Variants in INPP4A observed in about 807,000 individuals in gnomAD.
INPP4A encodes inositol polyphosphate-4-phosphatase type I A.
A neutral mutation model predicts 119.8 loss-of-function variants in INPP4A; 33 were observed. That is an observed-to-expected ratio of 0.28 (90% CI 0.21 to 0.37). INPP4A has a LOEUF of 0.37. Among genes scored for constraint, INPP4A ranks in the 10% least tolerant of loss-of-function variants. INPP4A has a pLI of 1.00. For missense variants in INPP4A, 956 were observed against 1,289.9 expected (o/e 0.74, Z 3.97); for synonymous variants, 496 against 500.7 (o/e 0.99, Z 0.12).
At chr2:98,470,458 G>A (rs919955646) in intron 1 of INPP4A, among the ~76,000 whole-genome samples, 1 of 152,222 alleles carries the variant, frequency 6.6e-6, no homozygotes, top group African/African-American at 2.4e-5. Flanking sequence ...AGGGAGGCAT[G>A]GCCCGCTGGG....
intron 17 of INPP4A, among the ~76,000 whole-genome samples, 174 bp downstream of exon 17, chr2:98,559,669 T>C (rs188983151): frequency 1.1e-4 from 16 of 152,320 alleles, no homozygotes; most frequent in Non-Finnish European, 4.4e-5. Context: ...GAGGGACCAG[T>C]TGGGCTGAGG....
chr2:98,475,577 A>C (rs148605998), intron 1 of INPP4A, among the ~76,000 whole-genome samples: 1 of 152,350 alleles, frequency 6.6e-6, no homozygotes, highest in Non-Finnish European at 1.5e-5. Flanking sequence ...ATTACTTGTA[A>C]AATTTAGCAG....
rs1447373953 is a variant in INPP4A at position 98,572,844 on chromosome 2, C to T, written c.2548C>T (p.Leu850=). The T allele has an allele frequency of 1.3e-6, 2 of 1,570,564 alleles. No homozygotes were observed. The highest frequency in any genetic ancestry group is 1.7e-6 in the Non-Finnish European group (2 of 1,158,108). ...CLPRSRSQTC[L]PELLRFLGQN... ...GCCTCGGTCTCGCAGTCAGACGTGC[C>T]TGCCAGAGCTGCTGCGGTTTCTGGG... The change falls in exon 23 of 25, where the codon CTG becomes TTG. Residue 850 remains leucine, a synonymous_variant. Transcript: ENST00000409851.
In INPP4A at chr2:98,591,626, G is replaced by T. The variant is rs1700409196; in HGVS notation, c.*4018G>T. 1 of 152,180 alleles carries T rather than the reference G, an allele frequency of 6.6e-6. No individual in the cohort carries two copies. The highest frequency in any genetic ancestry group is 2.4e-5 in the African/African-American group (1 of 41,420). The allele number at this position is 152,180 out of a possible 1,614,324, so 9.4% of individuals were successfully genotyped here. A position where few individuals can be genotyped will look rare whatever the true frequency, so the allele number is the denominator to read the frequency against. ...GTGCTGCGCTTCAGTTTCCTGTTGA[G>T]TCTCTGCTTAGTAGATGACTTGGCA... On this transcript the variant is annotated 3_prime_UTR_variant, in exon 25 of 25. Transcript: ENST00000409851.
chr2:98,563,635 A>G lies in INPP4A; in HGVS notation c.2026A>G (p.Thr676Ala). Residue 676 changes from threonine (T) to alanine (A), a missense_variant and splice_region_variant, in exon 18 of 25, where the codon ACG becomes GCG. Physicochemically the swap from Thr to Ala is moderately conservative, Grantham distance 58 (BLOSUM62 0). Coordinates refer to ENST00000409851, the MANE Select transcript of INPP4A (RefSeq NM_001134225.2). ...CCGCCGTGACGTGGTCTTCTGCCAG[A>G]CGGTAGGCCCCGGGAGCACCCCGAG... ...QYRRDVVFCQ[T>A]LTALICGFII... 6.2e-7 allele frequency: 1 copy of G among 1,612,208 alleles called. No homozygotes were observed. Among genetic ancestry groups the G allele is most frequent in the Non-Finnish European group, 8.5e-7 (1 of 1,179,778 alleles).
chr2:98,511,371 T>G (rs182876941), intron 1 of INPP4A, among the ~76,000 whole-genome samples: 21 of 152,294 alleles, frequency 1.4e-4, no homozygotes, highest in Admixed American at 1.4e-3. Context: ...GCACATTACT[T>G]TCCTGTATTT....
chr2:98,537,908 G>C lies in INPP4A; in HGVS notation c.513G>C (p.Trp171Cys). Residue 171 changes from tryptophan to cysteine, a missense_variant, in exon 8 of 25, where the codon TGG (tryptophan) becomes TGC (cysteine). By Grantham distance (215) the Trp-to-Cys change is radical (BLOSUM62 -2). Transcript: ENST00000409851. ...DRVGNITVIG[W>C]QMEEKSDQRP... is the part of the protein sequence containing the mutation. ...TAGGTAACATCACCGTGATTGGCTGGCAGATGGAGGAGAAGTCAGACCAAC... is the reference window on the plus strand; with the variant it reads ...TAGGTAACATCACCGTGATTGGCTGCCAGATGGAGGAGAAGTCAGACCAAC... 1 of 1,613,270 alleles carries C rather than the reference G, an allele frequency of 6.2e-7. No homozygotes were observed. The highest frequency in any genetic ancestry group is 8.5e-7 in the Non-Finnish European group (1 of 1,179,614).
At chr2:98,452,497 C>T (rs1695401630) in intron 1 of INPP4A, among the ~76,000 whole-genome samples, 1 of 152,174 alleles carries the variant, frequency 6.6e-6, no homozygotes, top group African/African-American at 2.4e-5. Flanking sequence ...CAGCTGGAGA[C>T]AGGGCTGACT....
chr2:98,554,940 A>G lies in INPP4A; in HGVS notation c.1566+451A>G, dbSNP rs1694181187. On this transcript the variant is annotated intron_variant, in intron 15 of 24. Coordinates refer to ENST00000409851, the MANE Select transcript of INPP4A (RefSeq NM_001134225.2). The surrounding 1 kb of genome is among the most constrained non-coding windows in gnomAD (Gnocchi z 4.7). The stretch of plus-strand genomic sequence containing the variant: ...GGAGCTGCCGCCCTGACATTACATC[A>G]CATTATTGTTCCTCAGAGAATTGGC... Among the ~76,000 whole-genome samples the G allele has an allele frequency of 6.6e-6, 1 of 152,154 alleles. No individual in the cohort carries two copies. Among genetic ancestry groups the G allele is most frequent in the South Asian group, 2.1e-4 (1 of 4,834 alleles).
chr2:98,535,948 C>T (rs1690185864), intron 6 of INPP4A, 103 bp downstream of exon 6: 2 of 719,730 alleles, frequency 2.8e-6, no homozygotes, highest in South Asian at 1.7e-5. Context: ...TACTGGCTCA[C>T]AAGTTAACTC....
intron 1 of INPP4A, among the ~76,000 whole-genome samples, chr2:98,461,025 C>T (rs761152101): frequency 4.6e-5 from 7 of 152,250 alleles, no homozygotes; most frequent in Middle Eastern, 3.4e-3. Context: ...CAGCTGCAGC[C>T]GGTTCCATCT....
chr2:98,568,285 T>A (rs1231435908), intron 21 of INPP4A, among the ~76,000 whole-genome samples: 1 of 152,112 alleles, frequency 6.6e-6, no homozygotes, highest in East Asian at 1.9e-4. Flanking sequence ...CAAATGGCTG[T>A]GAGGGGGGAT....
chr2:98,587,457 G>A lies in INPP4A; in HGVS notation c.2787-19G>A. ...TCCTTTTTTACTGCCGTCATTTCTT[G>A]TGCTTGTTTTTTCCCCAGTGAGGGT... On this transcript the variant is annotated intron_variant, in intron 24 of 24. Coordinates refer to ENST00000409851, the MANE Select transcript of INPP4A (RefSeq NM_001134225.2). 1.3e-6 allele frequency: 2 copies of A among 1,548,880 alleles called. No individual in the cohort carries two copies. The highest frequency in any genetic ancestry group is 2.4e-5 in the East Asian group (1 of 41,988).
intron 9 of INPP4A, among the ~76,000 whole-genome samples, chr2:98,539,248 C>T: frequency 6.6e-6 from 1 of 152,210 alleles, no homozygotes. Flanking sequence ...TTTTCTGTTT[C>T]ACATTGGGGT....
At chr2:98,476,525 A>T (rs968432436) in intron 1 of INPP4A, among the ~76,000 whole-genome samples, 1 of 152,060 alleles carries the variant, frequency 6.6e-6, no homozygotes, top group Non-Finnish European at 1.5e-5. Flanking sequence ...ACAGTCAGGG[A>T]GGCTCTCAGC....
chr2:98,504,557 G>A (rs971303091), intron 1 of INPP4A, among the ~76,000 whole-genome samples: 3 of 152,204 alleles, frequency 2.0e-5, no homozygotes, highest in African/African-American at 7.2e-5. Flanking sequence ...GCCTTGGGCA[G>A]GTCATCCCCA....
At chr2:98,584,292 C>T (rs1427081290) in intron 24 of INPP4A, among the ~76,000 whole-genome samples, 1 of 152,274 alleles carries the variant, frequency 6.6e-6, no homozygotes, top group Non-Finnish European at 1.5e-5. Flanking sequence ...GTTCCCATTA[C>T]ACAGCTTCCT....
intron 17 of INPP4A, among the ~76,000 whole-genome samples, chr2:98,559,708 T>TG: frequency 6.6e-6 from 1 of 152,336 alleles, no homozygotes; most frequent in Non-Finnish European, 1.5e-5. Flanking sequence ...GACTACCACA[T>TG]GTATTTGTTT....
In INPP4A at chr2:98,563,452, G is replaced by A. The variant is rs551192235; in HGVS notation, c.1856-13G>A. 90 of 1,609,272 alleles carry A rather than the reference G, an allele frequency of 5.6e-5. No homozygotes were observed. Among genetic ancestry groups the A allele is most frequent in the African/African-American group, 2.7e-4 (20 of 74,858 alleles). On this transcript the variant is annotated splice_polypyrimidine_tract_variant and intron_variant, in intron 17 of 24. Coordinates refer to ENST00000409851, the MANE Select transcript of INPP4A (RefSeq NM_001134225.2). ...TCTCTCTCATTGTGATGACCCCTTC[G>A]CTTGTGCCCCAGGTGAATGGAGTGA... is the stretch of plus-strand genomic sequence containing the variant.
Sources: allele counts gnomAD v4.1 joint callset (sites outside exome capture counted in the v4.1 genomes callset), GRCh38; gene constraint gnomAD v4.1.1; non-coding constraint Gnocchi (gnomAD v3.1); transcripts MANE v1.5; gene names NCBI Gene and HGNC (gene_info 2026-07-23, HGNC 2026-07-21).